PDE8A: variants seen among roughly 807,000 people sequenced by gnomAD.
The protein encoded by PDE8A is phosphodiesterase 8A.
In PDE8A, 59 loss-of-function variants were observed where a neutral mutation model predicts 105.0. The ratio of observed to expected loss-of-function variants is 0.56; its 90% CI spans 0.46 to 0.70. The LOEUF is 0.70. Among genes scored for constraint, PDE8A ranks in the 30% least tolerant of loss-of-function variants. PDE8A has a pLI of 0.00. For synonymous variants in PDE8A, 355 were observed against 371.9 expected (o/e 0.95, Z 0.52); for missense variants, 1,014 against 1,045.9 (o/e 0.97, Z 0.42).
chr15:85,046,591 T>C (rs1158045217), intron 1 of PDE8A, among the ~76,000 whole-genome samples: 1 of 152,196 alleles, frequency 6.6e-6, no homozygotes, highest in Non-Finnish European at 1.5e-5. Flanking sequence ...TAAATCCCTG[T>C]TGTTATAGAA....
chr15:85,110,008 G>GT (rs2081998563), intron 12 of PDE8A, among the ~76,000 whole-genome samples: 1 of 152,204 alleles, frequency 6.6e-6, no homozygotes, highest in South Asian at 2.1e-4. Context: ...AGCCTTGAGG[G>GT]TGGACTTCTG....
chr15:85,131,986 A>G (rs976929494), intron 20 of PDE8A, among the ~76,000 whole-genome samples: 1 of 152,104 alleles, frequency 6.6e-6, no homozygotes, highest in Non-Finnish European at 1.5e-5. Context: ...ATATGTGATG[A>G]GTCTTTTCTT....
chr15:85,121,753 A>C (rs1255964147), intron 18 of PDE8A, among the ~76,000 whole-genome samples: 1 of 152,124 alleles, frequency 6.6e-6, no homozygotes, highest in African/African-American at 2.4e-5. Context: ...TAGAACCTCA[A>C]ATTTATGAGC....
At chr15:85,119,958 C>T (rs1405250858) in intron 17 of PDE8A, among the ~76,000 whole-genome samples, 1 of 151,888 alleles carries the variant, frequency 6.6e-6, no homozygotes, top group African/African-American at 2.4e-5. Context: ...TCCAGTGTGG[C>T]TCTTGGAAAT....
chr15:85,011,839 C>CA (rs2080244210), intron 1 of PDE8A, among the ~76,000 whole-genome samples: 1 of 152,002 alleles, frequency 6.6e-6, no homozygotes, highest in Non-Finnish European at 1.5e-5. Context: ...TGAACTCAAA[C>CA]AAATTTACAA....
chr15:84,988,656 C>G (rs1344566252), intron 1 of PDE8A, among the ~76,000 whole-genome samples: 4 of 152,234 alleles, frequency 2.6e-5, no homozygotes. Context: ...GTTCCCCCAC[C>G]AGTGCTGCAT....
At chr15:85,126,525 T>G in intron 20 of PDE8A, 151 bp downstream of exon 20, 1 of 470,070 alleles carries the variant, frequency 2.1e-6, no homozygotes. Context: ...GGTAACAAAT[T>G]TTTTTTTTCT....
chr15:85,041,227 A>G (rs1275009043), intron 1 of PDE8A, among the ~76,000 whole-genome samples: 4 of 152,330 alleles, frequency 2.6e-5, no homozygotes, highest in South Asian at 2.1e-4. Flanking sequence ...TTACAAGTCA[A>G]CTCAACCCCA....
rs1353874457 is a variant in PDE8A at position 85,117,632 on chromosome 15, T to C, written c.1536-9T>C. The C allele has an allele frequency of 1.2e-6, 2 of 1,612,438 alleles. No individual in the cohort carries two copies. The highest frequency in any genetic ancestry group is 1.7e-5 in the Admixed American group (1 of 59,956). ...TGTTCTAATATTGTGGGGTTTTTTC[T>C]GTCTATAGGCCTTTGATTTATCTTG... On this transcript the variant is annotated splice_polypyrimidine_tract_variant and intron_variant, in intron 16 of 21. Transcript: ENST00000394553.
intron 1 of PDE8A, among the ~76,000 whole-genome samples, chr15:85,029,191 A>G (rs1056937496): frequency 6.6e-6 from 1 of 152,160 alleles, no homozygotes; most frequent in African/African-American, 2.4e-5. Flanking sequence ...TTGTTTAATA[A>G]TAGCCGATGT....
intron 20 of PDE8A, among the ~76,000 whole-genome samples, chr15:85,129,120 G>A (rs1226081760): frequency 6.6e-6 from 1 of 152,124 alleles, no homozygotes; most frequent in East Asian, 1.9e-4. Context: ...TAGTCATTGT[G>A]TATAATCCTT....
At position 85,049,990 on chromosome 15, in the gene PDE8A, C is replaced by A. The variant is rs553705590; in HGVS notation, c.187-14380C>A. 3.9e-5 allele frequency among the ~76,000 whole-genome samples: 6 copies of A among 152,234 alleles called. No individual in the cohort carries two copies. In the East Asian group the frequency reaches 1.2e-3, roughly 29 times the overall value. On this transcript the variant is annotated intron_variant, in intron 1 of 21. Coordinates refer to ENST00000394553, the MANE Select transcript of PDE8A (RefSeq NM_002605.3). ...TCCAGTTTTTCCATGTTCTCATCAGCACTTGTTATTTTCTGGTAGTAGTGT... is the reference window on the plus strand; with the variant it reads ...TCCAGTTTTTCCATGTTCTCATCAGAACTTGTTATTTTCTGGTAGTAGTGT...
At chr15:85,075,954 A>T (rs772327088) in intron 4 of PDE8A, 36 bp downstream of exon 4, 4 of 1,202,052 alleles carry the variant, frequency 3.3e-6, no homozygotes, top group Non-Finnish European at 3.7e-6. Context: ...AAATTGAGGT[A>T]CCAGTGTAAT....
chr15:85,049,430 G>A (rs1451209220), intron 1 of PDE8A, among the ~76,000 whole-genome samples: 1 of 152,138 alleles, frequency 6.6e-6, no homozygotes, highest in African/African-American at 2.4e-5. Context: ...CCTCATGTAA[G>A]TGGAATCATA....
chr15:85,066,830 C>T (rs1050401855), intron 2 of PDE8A, among the ~76,000 whole-genome samples, 184 bp from the exon 3 acceptor site: 2 of 151,842 alleles, frequency 1.3e-5, no homozygotes, highest in African/African-American at 2.4e-5. Context: ...CCCAACTACT[C>T]GGCAGGGCTG....
intron 20 of PDE8A, among the ~76,000 whole-genome samples, chr15:85,129,945 C>A (rs6496733): frequency 0.76 from 116,193 of 152,140 alleles, 45,325 homozygotes; most frequent in East Asian, 0.95. Flanking sequence ...GTTGTTTAAG[C>A]GTATATTAGT....
At chr15:85,116,318 C>A in intron 16 of PDE8A, 199 bp downstream of exon 16, 1 of 550,656 alleles carries the variant, frequency 1.8e-6, no homozygotes, top group Non-Finnish European at 3.2e-6. Context: ...ATGGCACATT[C>A]ATGGAAAGCA....
intron 3 of PDE8A, among the ~76,000 whole-genome samples, chr15:85,069,826 A>G (rs922852066): frequency 1.3e-5 from 2 of 152,164 alleles, no homozygotes; most frequent in Non-Finnish European, 2.9e-5. Flanking sequence ...GCTGTTTTCT[A>G]CCACGTCATC....
At chr15:85,059,390 G>A (rs1296091345) in intron 1 of PDE8A, among the ~76,000 whole-genome samples, 7 of 152,158 alleles carry the variant, frequency 4.6e-5, no homozygotes, top group East Asian at 3.9e-4. Context: ...TTGGTTTATT[G>A]TGTTGCTTAA....
Sources: gnomAD v4.1 joint callset for allele counts (sites outside exome capture counted in the v4.1 genomes callset) on GRCh38, gnomAD v4.1.1 for gene constraint, MANE v1.5 for transcripts, NCBI Gene and HGNC (gene_info 2026-07-23, HGNC 2026-07-21) for gene names.